The following TANC2 variants were observed in gnomAD, a reference collection of about 807,000 sequenced individuals.
The protein encoded by TANC2 is protein TANC2.
TANC2 carries 26 observed loss-of-function variants against 210.5 expected under a neutral mutation model. That is an observed-to-expected ratio of 0.12 (90% confidence interval 0.09 to 0.17). The LOEUF is 0.17. Among genes scored for constraint, TANC2 ranks in the 10% least tolerant of loss-of-function variants. The pLI is 1.00. For synonymous variants in TANC2, 931 were observed against 967.1 expected (o/e 0.96, Z 0.69); for missense variants, 2,129 against 2,608.9 (o/e 0.82, Z 4.01).
intron 14 of TANC2, among the ~76,000 whole-genome samples, chr17:63,374,773 C>T (rs1209395074): frequency 1.3e-5 from 2 of 151,956 alleles, no homozygotes; most frequent in African/African-American, 2.4e-5. Context: ...TATAGAAAGC[C>T]CTTGGATACC....
At chr17:63,105,926 C>G (rs747601552) in intron 4 of TANC2, among the ~76,000 whole-genome samples, 3 of 151,566 alleles carry the variant, frequency 2.0e-5, no homozygotes, top group Non-Finnish European at 4.4e-5. Flanking sequence ...TAAGTTCCAT[C>G]ATTACTAACT....
Position 63,108,814 on chromosome 17 carries a change from A to T in TANC2, c.322+9457A>T, listed in dbSNP as rs143130853. Among the ~76,000 whole-genome samples the T allele has an allele frequency of 4.3e-3, 658 of 151,402 alleles. 22 individuals carry two copies. The East Asian group carries it at 0.061, about 14-fold the overall frequency. On this transcript the variant is annotated intron_variant, in intron 4 of 27. Coordinates refer to ENST00000689528, the Ensembl canonical transcript of TANC2. Reference sequence around the variant, plus strand: ...CAGAGCAAGACTCCATCTCAAAAAAAATATAAATAAATAAATAAAAATAAA... The same window carrying T: ...CAGAGCAAGACTCCATCTCAAAAAATATATAAATAAATAAATAAAAATAAA...
At chr17:63,396,735 A>C (rs1322317605) in intron 18 of TANC2, 1 of 152,158 alleles carries the variant, frequency 6.6e-6, no homozygotes, top group African/African-American at 2.4e-5. Context: ...ACCAAATACC[A>C]CATGTTCTCA....
intron 9 of TANC2, among the ~76,000 whole-genome samples, chr17:63,280,434 C>T (rs2044026112): frequency 6.6e-6 from 1 of 151,890 alleles, no homozygotes; most frequent in South Asian, 2.1e-4. Flanking sequence ...TGTAGGCTGC[C>T]AAGTAAATAT....
At chr17:63,304,392 T>C (rs1159683755) in intron 9 of TANC2, among the ~76,000 whole-genome samples, 1 of 152,166 alleles carries the variant, frequency 6.6e-6, no homozygotes, top group African/African-American at 2.4e-5. Context: ...TTCATCTGGT[T>C]CACTCCTGTG....
In TANC2 at chr17:63,421,737, T is replaced by C. The variant is rs747870086; in HGVS notation, c.6007T>C (p.Tyr2003His). ...GAATGGCCATTTGCTGGAGGACGAT[T>C]ATTACAGCCCCCATGGGATGCTGGC... The change falls in exon 28 of 28, where the codon TAT (tyrosine) becomes CAT (histidine). Residue 2003 changes from tyrosine (Y) to histidine (H), a missense_variant. Around this residue, in one of 5 missense-constraint regions of TANC2, gnomAD observed 161 missense variants for 178.6 expected, o/e 0.90. Transcript: ENST00000689528. This position sits in a 1 kb window ranked among gnomAD's most constrained non-coding sequence, Gnocchi z 6.9. The C allele has an allele frequency of 1.2e-6, 2 of 1,614,038 alleles. No individual in the cohort carries two copies. Among genetic ancestry groups the C allele is most frequent in the East Asian group, 4.5e-5 (2 of 44,890 alleles).
intron 18 of TANC2, chr17:63,396,523 TTAAC>T (rs1467024915): frequency 6.5e-6 from 1 of 154,402 alleles, no homozygotes; most frequent in Non-Finnish European, 1.4e-5. Context: ...TAGGAAATGT[TTAAC>T]AACCAACTGT....
At chr17:63,415,788 T>TCCA in intron 26 of TANC2, 114 bp downstream of exon 26, 1 of 1,326,814 alleles carries the variant, frequency 7.5e-7, no homozygotes, top group Non-Finnish European at 1.0e-6. Flanking sequence ...TGGAACTTGG[T>TCCA]TGTCCTTCAC....
At chr17:63,052,747 A>G (rs1296765927) in intron 2 of TANC2, among the ~76,000 whole-genome samples, 1 of 152,144 alleles carries the variant, frequency 6.6e-6, no homozygotes, top group African/African-American at 2.4e-5. Flanking sequence ...ATTTCTTTCT[A>G]ATCACTTGAA....
Position 63,422,000 on chromosome 17 carries a change from T to C in TANC2, c.*45T>C, listed in dbSNP as rs770258318. 6.5e-7 allele frequency: 1 copy of C among 1,543,258 alleles called. No homozygotes were observed. The highest frequency in any genetic ancestry group is 8.7e-7 in the Non-Finnish European group (1 of 1,145,866). ...AGACCCATATGTTTTCACTGCACAT[T>C]TTCAGGCTTGGTTTCCACATTCGAG... On this transcript the variant is annotated 3_prime_UTR_variant, in exon 28 of 28. Coordinates refer to ENST00000689528, the Ensembl canonical transcript of TANC2. This position sits in a 1 kb window ranked among gnomAD's most constrained non-coding sequence, Gnocchi z 6.9.
intron 4 of TANC2, among the ~76,000 whole-genome samples, chr17:63,144,010 AT>A (rs1431425072): frequency 6.6e-6 from 1 of 152,130 alleles, no homozygotes; most frequent in Non-Finnish European, 1.5e-5. Context: ...AAATTCTAGA[AT>A]TTAATATTCA....
intron 4 of TANC2, chr17:63,148,935 A>G (rs1482897952): frequency 6.6e-6 from 1 of 152,172 alleles, no homozygotes; most frequent in East Asian, 1.9e-4. Context: ...AAATGACACT[A>G]GTTTTCTGTG....
intron 4 of TANC2, among the ~76,000 whole-genome samples, chr17:63,119,807 G>A (rs2038392440): frequency 6.6e-6 from 1 of 152,104 alleles, no homozygotes; most frequent in Non-Finnish European, 1.5e-5. Context: ...TTGAGGCCAG[G>A]AGTTCAAGAC....
chr17:63,206,302 A>G (rs1049139344), intron 7 of TANC2, among the ~76,000 whole-genome samples: 1 of 152,224 alleles, frequency 6.6e-6, no homozygotes, highest in African/African-American at 2.4e-5. Flanking sequence ...CAGTTCTCCA[A>G]AAAGTTCAAC....
In TANC2 at chr17:63,267,919, A is replaced by G. The variant is rs768784606; in HGVS notation, c.1159+46A>G. ...TTAAGGGTGCCCGGGAACAGATGGA[A>G]ATGGGCAAAAGCCAAAAAGTTGCTT... On this transcript the variant is annotated intron_variant, in intron 9 of 27. Coordinates refer to ENST00000689528, the Ensembl canonical transcript of TANC2. The G allele has an allele frequency of 1.3e-6, 2 of 1,560,200 alleles. 1 individual carries two copies. The highest frequency in any genetic ancestry group is 2.4e-5 in the South Asian group (2 of 83,166).
chr17:63,322,089 C>T (rs2045512263), intron 11 of TANC2, among the ~76,000 whole-genome samples: 1 of 152,218 alleles, frequency 6.6e-6, no homozygotes, highest in South Asian at 2.1e-4. Flanking sequence ...CTCAGTAGTA[C>T]ATCCTCATCT....
rs377217869 is a variant in TANC2 at position 63,205,687 on chromosome 17, C to T, written c.769+4730C>T. ...GTTACACAACTTTGGGAAGCTGAGG[C>T]AGGTGGATCACCTGAGCTCAGGAGT... On this transcript the variant is annotated intron_variant, in intron 7 of 27. Transcript: ENST00000689528. Among the ~76,000 whole-genome samples the T allele has an allele frequency of 2.6e-5, 4 of 152,124 alleles. No individual in the cohort carries two copies. The East Asian group carries it at 7.7e-4, about 29-fold the overall frequency.
At chr17:63,350,156 T>G (rs1369770803) in intron 12 of TANC2, among the ~76,000 whole-genome samples, 1 of 152,214 alleles carries the variant, frequency 6.6e-6, no homozygotes, top group Non-Finnish European at 1.5e-5. Context: ...TATGTTCAGT[T>G]TCAATTGGTC....
At chr17:63,248,930 A>G (rs930635786) in intron 8 of TANC2, among the ~76,000 whole-genome samples, 1 of 152,164 alleles carries the variant, frequency 6.6e-6, no homozygotes, top group Non-Finnish European at 1.5e-5. Context: ...AGAAATATAT[A>G]TAGTGAAAAT....
Sources: allele counts gnomAD v4.1 joint callset (sites outside exome capture counted in the v4.1 genomes callset), GRCh38; gene constraint gnomAD v4.1.1; regional missense constraint gnomAD v4.1.1; non-coding constraint Gnocchi (gnomAD v3.1); transcripts MANE v1.5; gene names NCBI Gene and HGNC (gene_info 2026-07-23, HGNC 2026-07-21).